Variants in NIM1K observed in about 807,000 individuals in gnomAD.
NIM1K encodes the protein NIM1 serine/threonine protein kinase.
A neutral mutation model predicts 37.1 loss-of-function variants in NIM1K; 35 were observed. The observed-to-expected ratio is 0.94, with a 90% CI of 0.72 to 1.25. The LOEUF is 1.25. Among genes scored for constraint, NIM1K ranks in the 50% most tolerant of loss-of-function variants. The probability of loss-of-function intolerance (pLI) is 0.00; values close to 1 mark genes in which losing one functional copy is unlikely to be tolerated. For missense variants in NIM1K, 564 were observed against 548.0 expected (o/e 1.03, Z -0.29); for synonymous variants, 234 against 206.6 (o/e 1.13, Z -1.14).
At chr5:43,240,620 G>C (rs985449658) in intron 1 of NIM1K, among the ~76,000 whole-genome samples, 1 of 149,640 alleles carries the variant, frequency 6.7e-6, no homozygotes, top group Non-Finnish European at 1.5e-5. Context: ...CTTGGCTCAC[G>C]GCAACCTCCG....
chr5:43,212,589 C>G (rs1343466738), intron 1 of NIM1K, among the ~76,000 whole-genome samples: 1 of 152,184 alleles, frequency 6.6e-6, no homozygotes, highest in Non-Finnish European at 1.5e-5. Context: ...CCTCCCATCT[C>G]TAGTCCTCCT....
At chr5:43,226,555 T>C (rs1752459801) in intron 1 of NIM1K, among the ~76,000 whole-genome samples, 1 of 152,106 alleles carries the variant, frequency 6.6e-6, no homozygotes, top group African/African-American at 2.4e-5. Flanking sequence ...GAGAAGAAAA[T>C]CAGAAGTTTA....
At chr5:43,243,962 T>A (rs1752741117) in intron 1 of NIM1K, among the ~76,000 whole-genome samples, 1 of 152,218 alleles carries the variant, frequency 6.6e-6, no homozygotes, top group Admixed American at 6.5e-5. Context: ...TAGTTACTGA[T>A]ACCTGGTCCC....
chr5:43,258,775 A>C (rs1561089814), intron 2 of NIM1K, among the ~76,000 whole-genome samples: 1 of 151,964 alleles, frequency 6.6e-6, no homozygotes. Flanking sequence ...ATTTTTACTT[A>C]TAAATTTTTT....
At chr5:43,220,408 C>T (rs556745589) in intron 1 of NIM1K, among the ~76,000 whole-genome samples, 1 of 151,328 alleles carries the variant, frequency 6.6e-6, no homozygotes, top group Non-Finnish European at 1.5e-5. Context: ...GCCTTAGCAT[C>T]CCGAGTAGCT....
intron 1 of NIM1K, among the ~76,000 whole-genome samples, chr5:43,234,319 G>A (rs908166300): frequency 6.6e-6 from 1 of 152,078 alleles, no homozygotes; most frequent in Non-Finnish European, 1.5e-5. Flanking sequence ...AAAACGCCTA[G>A]CATCTTATTA....
chr5:43,268,281 T>C (rs539441204), intron 2 of NIM1K, among the ~76,000 whole-genome samples: 1 of 152,332 alleles, frequency 6.6e-6, no homozygotes, highest in South Asian at 2.1e-4. Context: ...AAGTGTTTAA[T>C]TGATGCAAGG....
intron 1 of NIM1K, among the ~76,000 whole-genome samples, chr5:43,230,699 T>C (rs1480889140): frequency 1.3e-5 from 2 of 152,236 alleles, no homozygotes; most frequent in Non-Finnish European, 2.9e-5. Context: ...GTGATTTTCA[T>C]GCAGGTTAAG....
At position 43,229,789 on chromosome 5, in the gene NIM1K, A is replaced by G. The variant is rs746476308; in HGVS notation, c.-694-15293A>G. Among the ~76,000 whole-genome samples the G allele has an allele frequency of 1.8e-4, 27 of 151,850 alleles. No homozygotes were observed. The East Asian group carries it at 5.1e-3, about 28-fold the overall frequency. ...GTAGCTGGGACTACAGGCTCATGCCACCATGCCCAACTAATTTTTGTATTT... is the reference window on the plus strand; with the variant it reads ...GTAGCTGGGACTACAGGCTCATGCCGCCATGCCCAACTAATTTTTGTATTT... On this transcript the variant is annotated intron_variant, in intron 1 of 3. Coordinates refer to ENST00000326035, the MANE Select transcript of NIM1K (RefSeq NM_153361.4).
chr5:43,218,164 C>T (rs1409610667), intron 1 of NIM1K, among the ~76,000 whole-genome samples: 6 of 152,018 alleles, frequency 3.9e-5, no homozygotes, highest in South Asian at 2.1e-4. Flanking sequence ...GCACCCACCA[C>T]CATGCCCGGC....
At chr5:43,235,934 C>G (rs190692065) in intron 1 of NIM1K, among the ~76,000 whole-genome samples, 101 of 151,992 alleles carry the variant, frequency 6.6e-4, no homozygotes, top group Non-Finnish European at 1.1e-3. Flanking sequence ...CCTGACACTT[C>G]AGTTTCACTT....
At chr5:43,265,325 C>CT (rs1753126313) in intron 2 of NIM1K, among the ~76,000 whole-genome samples, 2 of 152,152 alleles carry the variant, frequency 1.3e-5, no homozygotes, top group South Asian at 4.1e-4. Flanking sequence ...TCTTTTTACT[C>CT]TTTTTTCTCT....
At chr5:43,199,204 A>AAAAAAAAAAAAAAAAAATAT (rs1200134957) in intron 1 of NIM1K, among the ~76,000 whole-genome samples, 1 of 94,070 alleles carries the variant, frequency 1.1e-5, no homozygotes, top group Non-Finnish European at 2.0e-5. Flanking sequence ...AAAAAAAAAA[A>AAAAAAAAAAAAAAAAAATAT]ATATATATAT....
At chr5:43,221,261 C>T (rs573192912) in intron 1 of NIM1K, among the ~76,000 whole-genome samples, 10 of 151,742 alleles carry the variant, frequency 6.6e-5, no homozygotes, top group Non-Finnish European at 1.0e-4. Flanking sequence ...GATCACTTGA[C>T]GTCAGGAGTT....
chr5:43,242,769 G>A (rs1347300693), intron 1 of NIM1K: 2 of 151,198 alleles, frequency 1.3e-5, no homozygotes, highest in Middle Eastern at 3.2e-3. Flanking sequence ...CAGAGACAGA[G>A]GGAAGAGTAA....
intron 1 of NIM1K, among the ~76,000 whole-genome samples, chr5:43,239,587 C>T (rs533542291): frequency 2.6e-5 from 4 of 152,010 alleles, no homozygotes; most frequent in South Asian, 4.1e-4. Context: ...AGTACAATGG[C>T]GCAATCTTGG....
chr5:43,199,541 T>C (rs913192480), intron 1 of NIM1K, among the ~76,000 whole-genome samples: 4 of 152,146 alleles, frequency 2.6e-5, no homozygotes, highest in Non-Finnish European at 5.9e-5. Flanking sequence ...AGGTGGCTAC[T>C]ACTCCTCTGT....
At chr5:43,276,172 C>T (rs1001957690) in intron 2 of NIM1K, among the ~76,000 whole-genome samples, 51 of 152,164 alleles carry the variant, frequency 3.4e-4, no homozygotes, top group South Asian at 2.1e-4. Context: ...GGATTACAGG[C>T]GTGAGCTGCC....
intron 1 of NIM1K, among the ~76,000 whole-genome samples, chr5:43,213,645 C>T (rs1215088588): frequency 6.6e-6 from 1 of 152,196 alleles, no homozygotes; most frequent in African/African-American, 2.4e-5. Context: ...AGGTGCCTGC[C>T]ACCACGCCCG....
Sources: allele counts gnomAD v4.1 joint callset (sites outside exome capture counted in the v4.1 genomes callset), GRCh38; gene constraint gnomAD v4.1.1; transcripts MANE v1.5; gene names NCBI Gene and HGNC (gene_info 2026-07-23, HGNC 2026-07-21).